Variants in PSD3 observed in about 807,000 individuals in gnomAD.
The protein encoded by PSD3 is PH and SEC7 domain-containing protein 3.
A neutral mutation model predicts 105.5 loss-of-function variants in PSD3; 49 were observed. The observed-to-expected ratio is 0.46, with a 90% CI of 0.37 to 0.59. PSD3 has a LOEUF of 0.59. Among genes scored for constraint, PSD3 ranks in the 20% least tolerant of loss-of-function variants. The pLI is 0.00. For missense variants in PSD3, 1,561 were observed against 1,263.8 expected (o/e 1.24, Z -3.57); for synonymous variants, 557 against 457.8 (o/e 1.22, Z -2.77).
At chr8:18,624,498 G>C (rs1214347767) in intron 11 of PSD3, among the ~76,000 whole-genome samples, 1 of 125,792 alleles carries the variant, frequency 7.9e-6, no homozygotes, top group African/African-American at 3.0e-5. Flanking sequence ...AGAACACATG[G>C]ACACAGGAAG....
rs1585865992 is a variant in PSD3, at chr8:18,759,153, G to A, written c.2172+6296C>T. 3.3e-5 allele frequency among the ~76,000 whole-genome samples: 5 copies of A among 150,936 alleles called. No individual in the cohort carries two copies. In the Admixed American group the frequency reaches 3.3e-4, roughly 10 times the overall value. ...TAAAACTTTTGCTCTTCCCTTAAGGGAAGACGTGCTAATTTCAAAGTTCAT... is the reference window on the plus strand; with the variant it reads ...TAAAACTTTTGCTCTTCCCTTAAGGAAAGACGTGCTAATTTCAAAGTTCAT... On this transcript the variant is annotated intron_variant, in intron 9 of 15. Coordinates refer to ENST00000327040, the MANE Select transcript of PSD3 (RefSeq NM_015310.4).
In PSD3 at chr8:18,677,787, G is replaced by C. The variant is rs114121262; in HGVS notation, c.2173-22102C>G. ...AGCACTGTGGGAGGCGAGGCGGCCA[G>C]ATCACGAGGTCAGGAGATCAAAACC... On this transcript the variant is annotated intron_variant, in intron 9 of 15. Coordinates refer to ENST00000327040, the MANE Select transcript of PSD3 (RefSeq NM_015310.4). 8.7e-3 allele frequency among the ~76,000 whole-genome samples: 1,328 copies of C among 152,238 alleles called. 23 individuals carry two copies. Among genetic ancestry groups the C allele is most frequent in the African/African-American group, 0.03 (1,234 of 41,550 alleles).
chr8:18,962,863 A>C (rs2129471266), intron 1 of PSD3, among the ~76,000 whole-genome samples: 1 of 152,388 alleles, frequency 6.6e-6, no homozygotes, highest in South Asian at 2.1e-4. Context: ...AAGGAGACAC[A>C]GAAAGGTTAA....
chr8:18,953,543 G>A lies in PSD3; in HGVS notation c.22-17401C>T, dbSNP rs142241231. ...GTGGGTGGATTACCAGAGGTCAGGA[G>A]TTCAAGACCAGCCTGGCCAACATGT... On this transcript the variant is annotated intron_variant, in intron 1 of 15. Coordinates refer to ENST00000327040, the MANE Select transcript of PSD3 (RefSeq NM_015310.4). 2.0e-5 allele frequency among the ~76,000 whole-genome samples: 3 copies of A among 152,272 alleles called. No individual in the cohort carries two copies. In the East Asian group the frequency reaches 5.8e-4, roughly 29 times the overall value.
intron 1 of PSD3, among the ~76,000 whole-genome samples, chr8:18,990,211 A>G (rs1377724591): frequency 6.6e-6 from 1 of 152,210 alleles, no homozygotes; most frequent in African/African-American, 2.4e-5. Context: ...GATTTTTTTA[A>G]AAGGCTAAAC....
chr8:18,550,973 C>T (rs1042103226), intron 15 of PSD3, among the ~76,000 whole-genome samples: 4 of 152,160 alleles, frequency 2.6e-5, no homozygotes, highest in African/African-American at 9.7e-5. Context: ...ACTAGTTTAA[C>T]AGAATTTCTC....
intron 8 of PSD3, among the ~76,000 whole-genome samples, chr8:18,777,928 T>G (rs1417984778): frequency 6.6e-6 from 1 of 152,182 alleles, no homozygotes; most frequent in Non-Finnish European, 1.5e-5. Flanking sequence ...CTTACTTCAC[T>G]CAATATAATG....
intron 4 of PSD3, among the ~76,000 whole-genome samples, chr8:18,832,654 CA>C (rs1813771731): frequency 1.3e-5 from 2 of 152,142 alleles, no homozygotes; most frequent in African/African-American, 4.8e-5. Context: ...AAGACACACC[CA>C]AGACTGGGCA....
intron 12 of PSD3, among the ~76,000 whole-genome samples, chr8:18,582,703 A>G (rs1323671252): frequency 1.3e-5 from 2 of 152,070 alleles, no homozygotes; most frequent in East Asian, 3.9e-4. Context: ...CTCTCCAAGT[A>G]GAGCTATGTT....
intron 4 of PSD3, among the ~76,000 whole-genome samples, chr8:18,837,756 T>C (rs943007924): frequency 2.0e-5 from 3 of 152,126 alleles, no homozygotes; most frequent in Non-Finnish European, 4.4e-5. Context: ...CTGGGCAAGA[T>C]GACAAGACCC....
intron 1 of PSD3, among the ~76,000 whole-genome samples, chr8:19,050,460 G>A (rs1161813204): frequency 6.6e-6 from 1 of 152,112 alleles, no homozygotes; most frequent in Non-Finnish European, 1.5e-5. Context: ...TGATAGACTG[G>A]ATTAAGAAAA....
chr8:18,568,412 G>T (rs1801928890), intron 14 of PSD3, among the ~76,000 whole-genome samples: 2 of 152,128 alleles, frequency 1.3e-5, no homozygotes. Context: ...GAGACAGAAA[G>T]AAGAAAATGA....
chr8:18,697,944 C>A (rs1248638631), intron 9 of PSD3, among the ~76,000 whole-genome samples: 1 of 152,158 alleles, frequency 6.6e-6, no homozygotes, highest in Admixed American at 6.5e-5. Flanking sequence ...AATGGTCCCC[C>A]CAAAGATGTC....
chr8:18,770,211 CCTAATGA>C (rs1371103385), intron 8 of PSD3, among the ~76,000 whole-genome samples: 1 of 152,154 alleles, frequency 6.6e-6, no homozygotes, highest in Admixed American at 6.5e-5. Flanking sequence ...TTTGCATTTC[CCTAATGA>C]CTAATGACCC....
At chr8:18,743,959 T>TCATCACCACCACCAC (rs1804782156) in intron 9 of PSD3, among the ~76,000 whole-genome samples, 14 of 138,814 alleles carry the variant, frequency 1.0e-4, no homozygotes, top group African/African-American at 3.5e-4. Context: ...ACTCTGTCTC[T>TCATCACCACCACCAC]CACCACCACC....
intron 9 of PSD3, among the ~76,000 whole-genome samples, chr8:18,659,521 C>A (rs1809166939): frequency 6.6e-6 from 1 of 152,224 alleles, no homozygotes; most frequent in South Asian, 2.1e-4. Flanking sequence ...GTAAATAACA[C>A]TTCATGTTTA....
chr8:18,772,694 G>A (rs1248505836), intron 8 of PSD3, among the ~76,000 whole-genome samples: 2 of 152,180 alleles, frequency 1.3e-5, no homozygotes, highest in South Asian at 2.1e-4. Flanking sequence ...ATTTTTAGTA[G>A]AGATGGGGTT....
At chr8:18,655,746 A>G in intron 9 of PSD3, 61 bp from the exon 10 acceptor site, 1 of 1,490,366 alleles carries the variant, frequency 6.7e-7, no homozygotes, top group Non-Finnish European at 9.3e-7. Context: ...TTTTGAATTC[A>G]GCAAATGACC....
chr8:18,698,053 G>A (rs2131022966), intron 9 of PSD3, among the ~76,000 whole-genome samples: 1 of 152,086 alleles, frequency 6.6e-6, no homozygotes, highest in Non-Finnish European at 1.5e-5. Flanking sequence ...CGAACTTAAG[G>A]AGAAGAGATT....
Sources: gnomAD v4.1 joint callset for allele counts (sites outside exome capture counted in the v4.1 genomes callset) on GRCh38, gnomAD v4.1.1 for gene constraint, MANE v1.5 for transcripts, NCBI Gene and HGNC (gene_info 2026-07-23, HGNC 2026-07-21) for gene names.